FHIT: variants seen among roughly 807,000 people sequenced by gnomAD.
FHIT encodes bis(5'-adenosyl)-triphosphatase.
In FHIT, 19 loss-of-function variants were observed where a neutral mutation model predicts 17.9. That is an observed-to-expected ratio of 1.06 (90% CI 0.74 to 1.56). The LOEUF (loss-of-function observed/expected upper bound fraction) is 1.56, where lower values mean the gene tolerates loss of function less well. Among genes scored for constraint, FHIT ranks in the 40% most tolerant of loss-of-function variants. The probability of loss-of-function intolerance (pLI) is 0.00; values close to 1 mark genes in which losing one functional copy is unlikely to be tolerated. For missense variants in FHIT, 248 were observed against 189.2 expected (o/e 1.31, Z -1.82); for synonymous variants, 81 against 69.7 (o/e 1.16, Z -0.81).
At chr3:60,426,832 CT>C (rs1215507402) in intron 5 of FHIT, among the ~76,000 whole-genome samples, 1 of 152,098 alleles carries the variant, frequency 6.6e-6, no homozygotes, top group African/African-American at 2.4e-5. Flanking sequence ...AGACAGTGCT[CT>C]CTACGACTTT....
At chr3:60,475,201 T>G (rs1344821370) in intron 5 of FHIT, among the ~76,000 whole-genome samples, 1 of 152,186 alleles carries the variant, frequency 6.6e-6, no homozygotes, top group Admixed American at 6.5e-5. Context: ...CTCTTTAATC[T>G]TCACTACATT....
chr3:60,760,220 GC>G (rs1699596877), intron 4 of FHIT, among the ~76,000 whole-genome samples: 3 of 152,184 alleles, frequency 2.0e-5, no homozygotes, highest in Non-Finnish European at 4.4e-5. Flanking sequence ...AATTGCGGAA[GC>G]CAAGTGTTTT....
At chr3:59,979,792 G>A (rs558073682) in intron 7 of FHIT, among the ~76,000 whole-genome samples, 62 of 152,132 alleles carry the variant, frequency 4.1e-4, no homozygotes, top group Admixed American at 1.2e-3. Flanking sequence ...ACATGTTTTC[G>A]AAAAGAAAGA....
At chr3:59,920,738 T>C (rs1003621771) in intron 8 of FHIT, among the ~76,000 whole-genome samples, 1 of 152,230 alleles carries the variant, frequency 6.6e-6, no homozygotes. Context: ...TTAGTGAGAT[T>C]GGTATTTGTA....
rs371798202 is a variant in FHIT at position 60,000,678 on chromosome 3, T to C, written c.279+10693A>G. ...ATCCTTCAAGTCTAGAAAAATGGGC[T>C]TAGAAACTAAAAAAAAAAACAATTT... On this transcript the variant is annotated intron_variant, in intron 7 of 9. Transcript: ENST00000492590. Among the ~76,000 whole-genome samples the C allele has an allele frequency of 9.0e-4, 62 of 68,878 alleles. No individual in the cohort carries two copies. The Middle Eastern group carries it at 0.023, about 26-fold the overall frequency. 45.2% of individuals were successfully genotyped at this position (68,878 alleles called of 152,430 possible). A position where few individuals can be genotyped will look rare whatever the true frequency, so the allele number is the denominator to read the frequency against.
At chr3:60,307,293 G>A (rs576206162) in intron 5 of FHIT, among the ~76,000 whole-genome samples, 2 of 152,258 alleles carry the variant, frequency 1.3e-5, no homozygotes, top group African/African-American at 2.4e-5. Context: ...ACACCATCTT[G>A]TCATTTGACC....
intron 8 of FHIT, among the ~76,000 whole-genome samples, chr3:59,900,383 C>T (rs146115406): frequency 4.6e-5 from 7 of 152,278 alleles, no homozygotes; most frequent in African/African-American, 1.7e-4. Context: ...AATCAAAGTC[C>T]ACAGATGATA....
intron 7 of FHIT, among the ~76,000 whole-genome samples, chr3:59,932,483 G>T (rs551863739): frequency 1.3e-5 from 2 of 152,124 alleles, no homozygotes; most frequent in Non-Finnish European, 2.9e-5. Context: ...TGGCATATGG[G>T]CTTCTCATCC....
At chr3:60,794,332 G>A (rs1053202394) in intron 4 of FHIT, among the ~76,000 whole-genome samples, 4 of 152,020 alleles carry the variant, frequency 2.6e-5, no homozygotes, top group African/African-American at 9.7e-5. Context: ...AGAGATGATA[G>A]ATTAGACAGA....
chr3:59,757,646 A>C (rs914517620), intron 8 of FHIT, among the ~76,000 whole-genome samples: 12 of 152,302 alleles, frequency 7.9e-5, no homozygotes, highest in Admixed American at 3.3e-4. Flanking sequence ...CAAACGGGGG[A>C]AAACTACTTT....
chr3:60,493,002 T>C (rs1304151768), intron 5 of FHIT, among the ~76,000 whole-genome samples: 13 of 152,138 alleles, frequency 8.5e-5, no homozygotes, highest in Non-Finnish European at 1.8e-4. Flanking sequence ...ACACAGTACA[T>C]GTATACCCAC....
At chr3:60,994,734 A>G (rs951252297) in intron 3 of FHIT, among the ~76,000 whole-genome samples, 2 of 152,192 alleles carry the variant, frequency 1.3e-5, no homozygotes, top group African/African-American at 4.8e-5. Flanking sequence ...GAGACCAATA[A>G]AAAGATGGAT....
At chr3:60,250,423 A>C (rs1438110497) in intron 5 of FHIT, among the ~76,000 whole-genome samples, 3 of 152,184 alleles carry the variant, frequency 2.0e-5, no homozygotes, top group Non-Finnish European at 4.4e-5. Flanking sequence ...TGGAGAGGAA[A>C]GTTGGTTCCT....
At chr3:60,836,662 C>T (rs1478636234) in intron 3 of FHIT, among the ~76,000 whole-genome samples, 2 of 152,056 alleles carry the variant, frequency 1.3e-5, no homozygotes, top group East Asian at 1.9e-4. Flanking sequence ...GGTCCAGATG[C>T]CCACTGTTTA....
intron 3 of FHIT, among the ~76,000 whole-genome samples, chr3:60,901,098 T>A (rs1559813451): frequency 1.3e-5 from 2 of 152,238 alleles, no homozygotes; most frequent in Admixed American, 6.5e-5. Context: ...CTAGTGACAA[T>A]CATAAATGAT....
At chr3:60,063,803 TAAAAACAAACAAAAAAATGGAGAA>T in intron 5 of FHIT, among the ~76,000 whole-genome samples, 1 of 152,046 alleles carries the variant, frequency 6.6e-6, no homozygotes, top group Non-Finnish European at 1.5e-5. Context: ...GTATTGCCCA[TAAAAACAAACAAAAAAATGGAGAA>T]GAAAACCCAT....
At chr3:60,897,748 C>T (rs6785481) in intron 3 of FHIT, among the ~76,000 whole-genome samples, 1 of 151,920 alleles carries the variant, frequency 6.6e-6, no homozygotes, top group Non-Finnish European at 1.5e-5. Context: ...CCCAGGTTTC[C>T]TCAGCAGGCC....
At position 60,138,909 on chromosome 3, in the gene FHIT, T is replaced by A. The variant is rs189632325; in HGVS notation, c.104-124757A>T. On this transcript the variant is annotated intron_variant, in intron 5 of 9. Transcript: ENST00000492590. Reference sequence around the variant, plus strand: ...AAAGCTGCTGTCACCAACACAGCCTTTGACTTTATAGGAAAGCCACACTAG... The same window carrying A: ...AAAGCTGCTGTCACCAACACAGCCTATGACTTTATAGGAAAGCCACACTAG... Among the ~76,000 whole-genome samples the A allele has an allele frequency of 2.6e-5, 4 of 152,226 alleles. No individual in the cohort carries two copies. The East Asian group carries it at 7.7e-4, about 29-fold the overall frequency.
chr3:60,461,062 C>T (rs72878721), intron 5 of FHIT, among the ~76,000 whole-genome samples: 16,889 of 147,954 alleles, frequency 0.11, 1,434 homozygotes, highest in East Asian at 0.38. Context: ...ACTCCCTTAA[C>T]GTTAACGGCA....
Sources: gnomAD v4.1 joint callset for allele counts (sites outside exome capture counted in the v4.1 genomes callset) on GRCh38, gnomAD v4.1.1 for gene constraint, MANE v1.5 for transcripts, NCBI Gene and HGNC (gene_info 2026-07-23, HGNC 2026-07-21) for gene names.